The following MAGI2 variants were observed in gnomAD, a reference collection of about 807,000 sequenced individuals.
The protein encoded by MAGI2 is membrane associated guanylate kinase, WW and PDZ domain containing 2.
A neutral mutation model predicts 133.3 loss-of-function variants in MAGI2; 35 were observed. That is an observed-to-expected ratio of 0.26 (90% CI 0.20 to 0.35). The LOEUF is 0.35. Ranked by LOEUF, MAGI2 falls within the 10% of genes least tolerant of loss-of-function variation. The pLI is 1.00. For missense variants in MAGI2, 1,636 were observed against 1,863.4 expected (o/e 0.88, Z 2.25); for synonymous variants, 729 against 710.6 (o/e 1.03, Z -0.41).
intron 1 of MAGI2, among the ~76,000 whole-genome samples, chr7:79,098,501 C>T (rs1253145283): frequency 6.6e-6 from 1 of 152,140 alleles, no homozygotes; most frequent in Non-Finnish European, 1.5e-5. Context: ...AAAAAGCATT[C>T]ATAAAAGCTC....
intron 10 of MAGI2, among the ~76,000 whole-genome samples, chr7:78,218,315 A>T (rs1314608727): frequency 6.6e-6 from 1 of 152,216 alleles, no homozygotes; most frequent in African/African-American, 2.4e-5. Context: ...ATCATCATGG[A>T]GCTGATGACA....
At chr7:78,732,372 G>A (rs1443962509) in intron 2 of MAGI2, among the ~76,000 whole-genome samples, 1 of 152,150 alleles carries the variant, frequency 6.6e-6, no homozygotes, top group Non-Finnish European at 1.5e-5. Flanking sequence ...ATTTATGGAA[G>A]CATTGGTACT....
intron 6 of MAGI2, among the ~76,000 whole-genome samples, chr7:78,398,985 TC>T (rs144096901): frequency 0.053 from 8,058 of 152,256 alleles, 303 homozygotes; most frequent in South Asian, 0.094. Flanking sequence ...TCTTTTCATC[TC>T]CTGATACCAG....
At chr7:79,021,719 A>G (rs1291560134) in intron 1 of MAGI2, among the ~76,000 whole-genome samples, 2 of 151,946 alleles carry the variant, frequency 1.3e-5, no homozygotes, top group South Asian at 2.1e-4. Context: ...TTTGGACTTG[A>G]GCTTTTGGGC....
At chr7:78,442,243 G>A (rs1033958811) in intron 6 of MAGI2, among the ~76,000 whole-genome samples, 2 of 152,168 alleles carry the variant, frequency 1.3e-5, no homozygotes, top group African/African-American at 4.8e-5. Flanking sequence ...TTGTGTTAGA[G>A]TTATTGTGCA....
intron 6 of MAGI2, among the ~76,000 whole-genome samples, chr7:78,447,319 A>AT (rs1317158309): frequency 1.1e-4 from 17 of 151,614 alleles, no homozygotes; most frequent in East Asian, 7.8e-4. Flanking sequence ...TAAATTTACC[A>AT]TTTTTTTGTG....
intron 2 of MAGI2, among the ~76,000 whole-genome samples, chr7:78,965,074 A>G (rs1044751699): frequency 6.6e-6 from 1 of 151,618 alleles, no homozygotes; most frequent in Non-Finnish European, 1.5e-5. Flanking sequence ...GGTGTCATTG[A>G]AATTAATATA....
chr7:78,931,676 G>A (rs1800133760), intron 2 of MAGI2, among the ~76,000 whole-genome samples: 1 of 152,110 alleles, frequency 6.6e-6, no homozygotes, highest in Non-Finnish European at 1.5e-5. Context: ...TCTCAACTAT[G>A]TTAGTAGCTT....
chr7:78,962,448 A>T (rs1802924019), intron 2 of MAGI2, among the ~76,000 whole-genome samples: 1 of 151,178 alleles, frequency 6.6e-6, no homozygotes, highest in Non-Finnish European at 1.5e-5. Context: ...GAGACCAATT[A>T]TCATCTCTAC....
chr7:79,149,086 AT>A (rs1270886247), intron 1 of MAGI2, among the ~76,000 whole-genome samples: 3 of 144,448 alleles, frequency 2.1e-5, no homozygotes, highest in South Asian at 2.1e-4. Context: ...ATGGATATAT[AT>A]TTTTATATGT....
At position 78,128,437 on chromosome 7, in the gene MAGI2, T is replaced by C. The variant is rs972069574; in HGVS notation, c.3204-1021A>G. 1.4e-4 allele frequency among the ~76,000 whole-genome samples: 22 copies of C among 152,278 alleles called. No individual in the cohort carries two copies. In the South Asian group the frequency reaches 2.3e-3, roughly 16 times the overall value. On this transcript the variant is annotated intron_variant, in intron 18 of 21. Transcript: ENST00000354212. Reference sequence around the variant, plus strand: ...GTAGATTGAAAAAATACATTCTACATAGTAACAATTTTATCTAAAATTAAT... The same window carrying C: ...GTAGATTGAAAAAATACATTCTACACAGTAACAATTTTATCTAAAATTAAT...
intron 1 of MAGI2, among the ~76,000 whole-genome samples, chr7:79,451,570 C>T (rs1849252419): frequency 6.6e-6 from 1 of 152,164 alleles, no homozygotes; most frequent in Admixed American, 6.5e-5. Flanking sequence ...CTCAAGAATA[C>T]CCAAGGAAAA....
chr7:78,547,291 T>C (rs991843311), intron 3 of MAGI2, among the ~76,000 whole-genome samples: 2 of 152,232 alleles, frequency 1.3e-5, no homozygotes, highest in African/African-American at 4.8e-5. Context: ...GGTGATTCAG[T>C]GAGAGACAGC....
At position 79,012,682 on chromosome 7, in the gene MAGI2, T is replaced by C. The variant is rs188327305; in HGVS notation, c.302-5476A>G. Among the ~76,000 whole-genome samples the C allele has an allele frequency of 2.6e-5, 4 of 152,260 alleles. No homozygotes were observed. The East Asian group carries it at 7.7e-4, about 29-fold the overall frequency. On this transcript the variant is annotated intron_variant, in intron 1 of 21. Transcript: ENST00000354212. ...CAAGTTTTAGTTACCATCCCAACAC[T>C]TATTCATTAAGTGGTCTTGCACAAA...
chr7:78,661,896 C>T (rs532758931), intron 2 of MAGI2, among the ~76,000 whole-genome samples: 39 of 152,232 alleles, frequency 2.6e-4, no homozygotes, highest in Admixed American at 8.5e-4. Flanking sequence ...AGGGAGTCTA[C>T]ACTTCAGAAG....
At chr7:79,413,006 G>C (rs1846245828) in intron 1 of MAGI2, 1 of 152,114 alleles carries the variant, frequency 6.6e-6, no homozygotes, top group South Asian at 2.1e-4. Context: ...TCAGAATACA[G>C]TGTAAGATTT....
At chr7:78,489,944 TA>T (rs1793447061) in intron 5 of MAGI2, 104 bp from the exon 6 acceptor site, 1 of 771,872 alleles carries the variant, frequency 1.3e-6, no homozygotes, top group Non-Finnish European at 2.2e-6. Flanking sequence ...TTGCAATCGA[TA>T]CACTTAATTT....
intron 2 of MAGI2, among the ~76,000 whole-genome samples, chr7:78,655,404 AAAAACAAAACAAAAC>A (rs756481844): frequency 1.3e-5 from 2 of 149,808 alleles, no homozygotes; most frequent in Admixed American, 6.6e-5. Flanking sequence ...GGCTTATACA[AAAAACAAAACAAAAC>A]AAAACAAAAC....
chr7:78,652,165 A>ATTT (rs1811646521), intron 2 of MAGI2, among the ~76,000 whole-genome samples: 1 of 152,176 alleles, frequency 6.6e-6, no homozygotes, highest in South Asian at 2.1e-4. Context: ...ATAGACACTG[A>ATTT]AGGTTAGCAT....
Sources: gnomAD v4.1 joint callset for allele counts (sites outside exome capture counted in the v4.1 genomes callset) on GRCh38, gnomAD v4.1.1 for gene constraint, MANE v1.5 for transcripts, NCBI Gene and HGNC (gene_info 2026-07-23, HGNC 2026-07-21) for gene names.